PLEKHF2: variants seen among roughly 807,000 people sequenced by gnomAD.
PLEKHF2 encodes the protein pleckstrin homology domain-containing family F member 2.
PLEKHF2 carries 4 observed loss-of-function variants against 14.7 expected under a neutral mutation model. The ratio of observed to expected loss-of-function variants is 0.27; its 90% CI spans 0.13 to 0.62. PLEKHF2 has a LOEUF of 0.62. PLEKHF2 is among the 20% of genes least tolerant of loss of function. The pLI, the probability that PLEKHF2 is intolerant of heterozygous loss-of-function variation, is 0.85. For missense variants in PLEKHF2, 201 were observed against 307.7 expected (o/e 0.65, Z 2.60); for synonymous variants, 90 against 103.5 (o/e 0.87, Z 0.79).
intron 1 of PLEKHF2, among the ~76,000 whole-genome samples, chr8:95,143,121 A>ATGGAGTCTCGCTCTGTCGCCCAGGC (rs1810456015): frequency 7.0e-6 from 1 of 142,956 alleles, no homozygotes; most frequent in Non-Finnish European, 1.5e-5. Flanking sequence ...TTTTTTTGAG[A>ATGGAGTCTCGCTCTGTCGCCCAGGC]TGGAGTCTCG....
chr8:95,134,288 C>T (rs887145091), intron 1 of PLEKHF2: 59 of 150,260 alleles, frequency 3.9e-4, no homozygotes, highest in African/African-American at 1.4e-3. Context: ...GCCGCGCCCG[C>T]CCGTAGGACG....
At chr8:95,142,679 C>T (rs959376393) in intron 1 of PLEKHF2, among the ~76,000 whole-genome samples, 11 of 152,082 alleles carry the variant, frequency 7.2e-5, no homozygotes, top group Admixed American at 1.3e-4. Flanking sequence ...AAAATATGCA[C>T]GTAATCATCA....
At position 95,143,109 on chromosome 8, in the gene PLEKHF2, C is replaced by CT. The variant is rs1250696093; in HGVS notation, c.-15+9087dup. ...GGAAATAATCTTTTTTTTTTTTTTTCTTTTTTTTGAGATGGAGTCTCGCTC... is the reference window on the plus strand; with the variant it reads ...GGAAATAATCTTTTTTTTTTTTTTTCTTTTTTTTTGAGATGGAGTCTCGCTC... On this transcript the variant is annotated intron_variant, in intron 1 of 1. Coordinates refer to ENST00000315367, the MANE Select transcript of PLEKHF2 (RefSeq NM_024613.4). Among the ~76,000 whole-genome samples the CT allele has an allele frequency of 1.3e-4, 13 of 96,778 alleles. No homozygotes were observed. The East Asian group carries it at 2.4e-3, about 18-fold the overall frequency. The allele number at this position is 96,778 out of a possible 152,430, so 63.5% of individuals were successfully genotyped here. A position where few individuals can be genotyped will look rare whatever the true frequency, so the allele number is the denominator to read the frequency against.
In PLEKHF2 at chr8:95,154,277, ATAT is replaced by A; in HGVS notation, c.238_240del (p.Ile80del). Reference sequence around the variant, plus strand: ...CAGAAGAAAAAATATAACAAACAACATATTATTCCCCTGGAAAATGTCACTATT... The same window carrying A: ...CAGAAGAAAAAATATAACAAACAACATATTCCCCTGGAAAATGTCACTATT... On this transcript the variant is annotated inframe_deletion, in exon 2 of 2. Transcript: ENST00000315367. The surrounding 1 kb of genome is among the most constrained non-coding windows in gnomAD (Gnocchi z 5.6). The A allele has an allele frequency of 6.2e-7, 1 of 1,614,012 alleles. No homozygotes were observed. The highest frequency in any genetic ancestry group is 8.5e-7 in the Non-Finnish European group (1 of 1,179,914).
intron 1 of PLEKHF2, among the ~76,000 whole-genome samples, chr8:95,153,193 A>G (rs1006999705): frequency 6.6e-6 from 1 of 152,146 alleles, no homozygotes; most frequent in African/African-American, 2.4e-5. Context: ...TGGAATATGG[A>G]TAGCTCACAG....
At chr8:95,149,618 G>T (rs1437947482) in intron 1 of PLEKHF2, among the ~76,000 whole-genome samples, 1 of 152,136 alleles carries the variant, frequency 6.6e-6, no homozygotes, top group African/African-American at 2.4e-5. Flanking sequence ...TGGTAAATTG[G>T]TGTTACTTCC....
In PLEKHF2 at chr8:95,154,522, C is replaced by T. The variant is rs375278846; in HGVS notation, c.478C>T (p.Arg160Cys). 8 of 1,614,026 alleles carry T rather than the reference C, an allele frequency of 5.0e-6. No individual in the cohort carries two copies. Among genetic ancestry groups the T allele is most frequent in the East Asian group, 4.5e-5 (2 of 44,904 alleles). Residue 160 changes from arginine (R) to cysteine (C), a missense_variant, in exon 2 of 2, where the codon CGT (arginine) becomes TGT (cysteine). Arg to Cys is a radical substitution (Grantham distance 180, BLOSUM62 -3). Transcript: ENST00000315367. This position sits in a 1 kb window ranked among gnomAD's most constrained non-coding sequence, Gnocchi z 5.6. ...TGACTCTGAGGCAACTGTATGTATG[C>T]GTTGTCAGAAAGCAAAATTCACACC... Reference protein sequence around the residue: ...VPDSEATVCMRCQKAKFTPVN... With the variant: ...VPDSEATVCMCCQKAKFTPVN...
chr8:95,137,366 C>T (rs1041477515), intron 1 of PLEKHF2, among the ~76,000 whole-genome samples: 1 of 152,228 alleles, frequency 6.6e-6, no homozygotes, highest in Admixed American at 6.5e-5. Flanking sequence ...ATACCTAGTT[C>T]AGTTTTCAGC....
chr8:95,138,060 T>G (rs1313996490), intron 1 of PLEKHF2, among the ~76,000 whole-genome samples: 1 of 152,146 alleles, frequency 6.6e-6, no homozygotes, highest in Non-Finnish European at 1.5e-5. Flanking sequence ...CCTTGACCTT[T>G]GCTGGGTGTA....
chr8:95,141,553 T>C (rs1810439481), intron 1 of PLEKHF2, among the ~76,000 whole-genome samples: 1 of 151,542 alleles, frequency 6.6e-6, no homozygotes, highest in Admixed American at 6.6e-5. Flanking sequence ...TGAGAGGGAG[T>C]CTTGCTCTGT....
chr8:95,148,955 T>A (rs1442470030), intron 1 of PLEKHF2, among the ~76,000 whole-genome samples: 1 of 152,016 alleles, frequency 6.6e-6, no homozygotes, highest in Non-Finnish European at 1.5e-5. Context: ...TAAGTTTAAC[T>A]GCTTAAGAAG....
At chr8:95,135,595 G>C (rs1331010122) in intron 1 of PLEKHF2, among the ~76,000 whole-genome samples, 1 of 152,090 alleles carries the variant, frequency 6.6e-6, no homozygotes, top group African/African-American at 2.4e-5. Flanking sequence ...TGGAGAGAAG[G>C]TTTTGCCATG....
At chr8:95,137,187 G>A (rs1810384737) in intron 1 of PLEKHF2, among the ~76,000 whole-genome samples, 2 of 152,212 alleles carry the variant, frequency 1.3e-5, no homozygotes, top group African/African-American at 4.8e-5. Context: ...TGTGAAATGG[G>A]CACAGAAATA....
At chr8:95,147,077 A>G (rs539005385) in intron 1 of PLEKHF2, among the ~76,000 whole-genome samples, 7 of 152,224 alleles carry the variant, frequency 4.6e-5, no homozygotes, top group Non-Finnish European at 1.0e-4. Flanking sequence ...GGAGATAACT[A>G]TCACCCTTAA....
At chr8:95,139,828 A>T (rs1484489127) in intron 1 of PLEKHF2, among the ~76,000 whole-genome samples, 3 of 136,774 alleles carry the variant, frequency 2.2e-5, no homozygotes, top group African/African-American at 8.4e-5. Flanking sequence ...TTTTTTTCCC[A>T]TGTGTCCCAC....
intron 1 of PLEKHF2, among the ~76,000 whole-genome samples, chr8:95,148,990 C>T (rs1459050034): frequency 6.6e-6 from 1 of 151,586 alleles, no homozygotes; most frequent in African/African-American, 2.4e-5. Context: ...TGTCAAACAC[C>T]ATAAAACTAT....
At chr8:95,134,883 G>C (rs7842028) in intron 1 of PLEKHF2, among the ~76,000 whole-genome samples, 12,163 of 152,228 alleles carry the variant, frequency 0.08, 660 homozygotes, top group African/African-American at 0.14. Flanking sequence ...GATTTAGACA[G>C]AAACTTTGAG....
intron 1 of PLEKHF2, among the ~76,000 whole-genome samples, chr8:95,140,876 A>G (rs1308897851): frequency 2.0e-5 from 3 of 152,142 alleles, no homozygotes; most frequent in South Asian, 4.1e-4. Flanking sequence ...CACAGATTTA[A>G]GTTAATTGTA....
At chr8:95,141,573 T>A (rs1810439800) in intron 1 of PLEKHF2, among the ~76,000 whole-genome samples, 1 of 152,206 alleles carries the variant, frequency 6.6e-6, no homozygotes, top group African/African-American at 2.4e-5. Context: ...TGGTTCAGGC[T>A]GGAGTGCAGT....
Sources: gnomAD v4.1 joint callset for allele counts (sites outside exome capture counted in the v4.1 genomes callset) on GRCh38, gnomAD v4.1.1 for gene constraint, Gnocchi (gnomAD v3.1) non-coding constraint, MANE v1.5 for transcripts, NCBI Gene and HGNC (gene_info 2026-07-23, HGNC 2026-07-21) for gene names.